ZNF41: variants seen among roughly 807,000 people sequenced by gnomAD.
ZNF41 encodes the protein zinc finger protein 41.
A neutral mutation model predicts 9.3 loss-of-function variants in ZNF41; 6 were observed. The observed-to-expected ratio is 0.65, with a 90% CI of 0.35 to 1.28. The LOEUF (loss-of-function observed/expected upper bound fraction) is 1.28. Among genes scored for constraint, ZNF41 ranks in the 50% most tolerant of loss-of-function variants. The pLI is 0.03. For synonymous variants in ZNF41, 192 were observed against 207.1 expected (o/e 0.93, Z 0.63); for missense variants, 523 against 585.8 (o/e 0.89, Z 1.11).
chrX:47,471,657 G>A (rs1407272708), intron 1 of ZNF41, among the ~76,000 whole-genome samples: 1 of 110,845 alleles, frequency 9.0e-6, no homozygotes, highest in Non-Finnish European at 1.9e-5. Flanking sequence ...TAAAATTAAG[G>A]ACTTCTGTTC....
rs906778650 is a variant in ZNF41, at chrX:47,449,105, T to A, written c.665A>T (p.Asn222Ile). The change falls in exon 5 of 5, where the codon AAC becomes ATC. Residue 222 changes from asparagine to isoleucine, a missense_variant. By Grantham distance (149) the Asn-to-Ile change is moderately radical. Coordinates refer to ENST00000684689, the MANE Select transcript of ZNF41 (RefSeq NM_001324144.2). ...KNLGKIFGNG[N>I]NFPHSPSSTK... ...AGAGGAAGGGCTATGGGGGAAATTG[T>A]TACCATTTCCAAAAATCTTGCCAAG... 5 of 1,211,895 alleles carry A rather than the reference T, an allele frequency of 4.1e-6. No individual in the cohort carries two copies. The Middle Eastern group carries it at 1.1e-3, about 278-fold the overall frequency.
At chrX:47,467,910 A>G in intron 1 of ZNF41, 150 bp from the exon 2 acceptor site, 1 of 172,697 alleles carries the variant, frequency 5.8e-6, no homozygotes, top group South Asian at 1.3e-4. Context: ...CTTTATGTGA[A>G]GTTTCTTCAT....
At chrX:47,456,868 G>C (rs946076048) in intron 2 of ZNF41, among the ~76,000 whole-genome samples, 4 of 111,526 alleles carry the variant, frequency 3.6e-5, no homozygotes, top group Admixed American at 9.6e-5. Context: ...ATCTAGAAGG[G>C]AGAAGCATGA....
chrX:47,471,471 A>C (rs1452943566), intron 1 of ZNF41, among the ~76,000 whole-genome samples: 3 of 110,140 alleles, frequency 2.7e-5, no homozygotes, highest in Non-Finnish European at 3.8e-5. Context: ...AAAAAAAAGA[A>C]AAGACTATCC....
rs753463291 is a variant in ZNF41, at chrX:47,448,702, T to C, written c.1068A>G (p.Lys356=). The C allele has an allele frequency of 6.4e-5, 77 of 1,209,936 alleles. 1 individual carries two copies. The East Asian group carries it at 2.2e-3, about 35-fold the overall frequency. Residue 356 remains lysine (K), a synonymous_variant, in exon 5 of 5, where the codon AAA becomes AAG. Transcript: ENST00000684689. ...AAAAGGCTTTTCCACATTCACTGCA[T>C]TTGTAGGGTTTCTGCCCGGTATGAA... ...QKIHTGQKPY[K]CSECGKAFFQ...
At position 47,478,820 on chromosome X, in the gene ZNF41, C is replaced by G. The variant is rs1316618648; in HGVS notation, c.-280+4275G>C. ...TGGTGGCAGGCGCCTGTAATCGCAG[C>G]TACTTGGGAGGCTGAGGCAGGGAGA... On this transcript the variant is annotated intron_variant, in intron 1 of 4. Coordinates refer to ENST00000684689, the MANE Select transcript of ZNF41 (RefSeq NM_001324144.2). Among the ~76,000 whole-genome samples the G allele has an allele frequency of 1.3e-4, 14 of 109,740 alleles. No homozygotes were observed. In the Admixed American group the frequency reaches 1.4e-3, roughly 11 times the overall value.
chrX:47,465,020 C>T (rs1197962874), intron 2 of ZNF41, among the ~76,000 whole-genome samples: 4 of 111,323 alleles, frequency 3.6e-5, no homozygotes, highest in Admixed American at 9.6e-5. Flanking sequence ...CAGGTAGCTG[C>T]GACTACAGGT....
At chrX:47,466,080 C>T (rs2147726847) in intron 2 of ZNF41, among the ~76,000 whole-genome samples, 1 of 111,220 alleles carries the variant, frequency 9.0e-6, no homozygotes, top group South Asian at 3.7e-4. Flanking sequence ...AAAGGAAATA[C>T]AGCTAAATGT....
intron 2 of ZNF41, among the ~76,000 whole-genome samples, chrX:47,456,937 T>C (rs1351217312): frequency 2.7e-5 from 3 of 111,560 alleles, no homozygotes; most frequent in Non-Finnish European, 5.6e-5. Flanking sequence ...GAACTGCAAG[T>C]AGTACCATAT....
chrX:47,473,031 A>G (rs978542642), intron 1 of ZNF41, among the ~76,000 whole-genome samples: 1 of 105,244 alleles, frequency 9.5e-6, no homozygotes. Flanking sequence ...TACAAAAAAA[A>G]TTTTTTTTTA....
chrX:47,464,072 A>G (rs1286297353), intron 2 of ZNF41, among the ~76,000 whole-genome samples: 4 of 109,235 alleles, frequency 3.7e-5, no homozygotes, highest in African/African-American at 1.3e-4. Context: ...CTGCTTCCTC[A>G]CCCCTCTGGA....
intron 2 of ZNF41, among the ~76,000 whole-genome samples, chrX:47,456,903 A>G (rs2147590533): frequency 8.9e-6 from 1 of 111,921 alleles, no homozygotes; most frequent in South Asian, 3.7e-4. Flanking sequence ...AAAGGAAAAT[A>G]GAAAAATACA....
At chrX:47,450,605 C>A (rs977912552) in intron 4 of ZNF41, among the ~76,000 whole-genome samples, 16 of 111,889 alleles carry the variant, frequency 1.4e-4, no homozygotes, top group African/African-American at 5.2e-4. Flanking sequence ...TCTGCAGGCC[C>A]TCCCCTGAGA....
At chrX:47,450,557 C>T (rs934114706) in intron 4 of ZNF41, among the ~76,000 whole-genome samples, 9 of 111,153 alleles carry the variant, frequency 8.1e-5, no homozygotes, top group Non-Finnish European at 1.1e-4. Flanking sequence ...TATAACAAGG[C>T]GTGTAAAAGA....
At chrX:47,460,530 C>G (rs374204898) in intron 2 of ZNF41, among the ~76,000 whole-genome samples, 49 of 111,387 alleles carry the variant, frequency 4.4e-4, no homozygotes, top group African/African-American at 1.6e-3. Flanking sequence ...AAGGGCTCAG[C>G]TAGAAGATGT....
intron 1 of ZNF41, among the ~76,000 whole-genome samples, chrX:47,476,356 AAAAC>A (rs1326172501): frequency 9.0e-6 from 1 of 111,617 alleles, no homozygotes; most frequent in African/African-American, 3.3e-5. Context: ...CTGTCTCAGA[AAAAC>A]AAACAAACAA....
rs756857011 is a variant in ZNF41 at position 47,449,078 on chromosome X, G to A, written c.692C>T (p.Thr231Ile). 2 of 1,211,411 alleles carry A rather than the reference G, an allele frequency of 1.7e-6. No individual in the cohort carries two copies. Among genetic ancestry groups the A allele is most frequent in the South Asian group, 3.5e-5 (2 of 56,967 alleles). The change falls in exon 5 of 5, where the codon ACT becomes ATT. Residue 231 changes from threonine (T) to isoleucine (I), a missense_variant. Thr to Ile is a moderately conservative substitution (Grantham distance 89, BLOSUM62 -1). Transcript: ENST00000684689. ...GNNFPHSPSS[T>I]KNENAKTGAN... The stretch of plus-strand genomic sequence containing the variant: ...TCCTGTTTTAGCATTCTCATTCTTA[G>A]TAGAGGAAGGGCTATGGGGGAAATT...
Position 47,447,773 on chromosome X carries a change from G to T in ZNF41, c.1997C>A (p.Ala666Asp), listed in dbSNP as rs144970008. The change falls in exon 5 of 5, where the codon GCT becomes GAT. Residue 666 changes from alanine to aspartate, a missense_variant. Coordinates refer to ENST00000684689, the MANE Select transcript of ZNF41 (RefSeq NM_001324144.2). ...IHTGEKPNIC[A>D]ECGKAFTDRS... ...GTCAGTGAAGGCCTTTCCACATTCA[G>T]CACATATATTGGGCTTCTCACCTGT... The T allele has an allele frequency of 8.3e-7, 1 of 1,209,939 alleles. No individual in the cohort carries two copies. The highest frequency in any genetic ancestry group is 2.2e-5 in the Admixed American group (1 of 45,641).
chrX:47,482,199 G>A (rs189059089), intron 1 of ZNF41, among the ~76,000 whole-genome samples: 1 of 108,611 alleles, frequency 9.2e-6, no homozygotes, highest in East Asian at 2.9e-4. Context: ...ATTCACTCCG[G>A]TGTCCCCAAC....
Sources: allele counts gnomAD v4.1 joint callset (sites outside exome capture counted in the v4.1 genomes callset), GRCh38; gene constraint gnomAD v4.1.1; transcripts MANE v1.5; gene names NCBI Gene and HGNC (gene_info 2026-07-23, HGNC 2026-07-21).